Variants in PDE8B observed in about 807,000 individuals in gnomAD.
PDE8B encodes phosphodiesterase 8B.
A neutral mutation model predicts 101.3 loss-of-function variants in PDE8B; 26 were observed. The ratio of observed to expected loss-of-function variants is 0.26; its 90% CI spans 0.19 to 0.36. The LOEUF (loss-of-function observed/expected upper bound fraction) is 0.36. PDE8B is among the 10% of genes least tolerant of loss of function. The pLI, the probability that PDE8B is intolerant of heterozygous loss-of-function variation, is 1.00. For missense variants in PDE8B, 810 were observed against 1,163.1 expected (o/e 0.70, Z 4.42); for synonymous variants, 424 against 429.3 (o/e 0.99, Z 0.15).
the PDE8B span, chr5:77,144,134 AG>A: frequency 1.3e-5 from 2 of 152,062 alleles, no homozygotes; most frequent in Non-Finnish European, 2.9e-5. Flanking sequence ...GTCCAGGAGG[AG>A]GGTAGTGTCA....
intron 1 of PDE8B, among the ~76,000 whole-genome samples, chr5:77,270,190 AT>A (rs1260260542): frequency 1.2e-4 from 18 of 151,998 alleles, no homozygotes; most frequent in African/African-American, 3.9e-4. Context: ...TCTTTCACTT[AT>A]TTTGTTAATT....
intron 2 of PDE8B, among the ~76,000 whole-genome samples, chr5:77,319,442 A>T (rs1774540697): frequency 6.6e-6 from 1 of 152,210 alleles, no homozygotes; most frequent in Admixed American, 6.5e-5. Context: ...TCCGTGATAA[A>T]CCCAAATGAC....
At chr5:77,366,806 C>T (rs1322726104) in intron 10 of PDE8B, among the ~76,000 whole-genome samples, 1 of 152,200 alleles carries the variant, frequency 6.6e-6, no homozygotes, top group Non-Finnish European at 1.5e-5. Context: ...AAAACTGCAA[C>T]ATCTTTAAAA....
intron 2 of PDE8B, among the ~76,000 whole-genome samples, chr5:77,313,738 G>A (rs1270653980): frequency 1.3e-5 from 2 of 152,138 alleles, no homozygotes; most frequent in East Asian, 3.8e-4. Flanking sequence ...TTGTTTCAGA[G>A]TTTTCTCAGA....
chr5:77,352,148 C>T (rs73764818), intron 9 of PDE8B, among the ~76,000 whole-genome samples: 5,123 of 152,266 alleles, frequency 0.034, 271 homozygotes, highest in African/African-American at 0.11. Flanking sequence ...CTGACAGGCC[C>T]CTGACCGAGG....
intron 1 of PDE8B, among the ~76,000 whole-genome samples, chr5:77,230,683 C>T (rs905557651): frequency 6.6e-5 from 10 of 152,138 alleles, no homozygotes; most frequent in African/African-American, 2.4e-4. Flanking sequence ...CTTCTGACCT[C>T]AAGTGATCCA....
chr5:77,372,692 A>C (rs532438904), intron 10 of PDE8B, among the ~76,000 whole-genome samples: 2 of 152,314 alleles, frequency 1.3e-5, no homozygotes, highest in East Asian at 3.9e-4. Flanking sequence ...TAGGCTATCA[A>C]ATTTTTTGGC....
intron 1 of PDE8B, among the ~76,000 whole-genome samples, chr5:77,276,785 T>C (rs1763937439): frequency 6.6e-6 from 1 of 152,218 alleles, no homozygotes; most frequent in Admixed American, 6.5e-5. Context: ...AGAGTATTCC[T>C]TAAATACATT....
intron 1 of PDE8B, among the ~76,000 whole-genome samples, chr5:77,232,096 AT>A (rs1238393105): frequency 4.6e-5 from 7 of 152,254 alleles, no homozygotes; most frequent in Admixed American, 1.3e-4. Context: ...TTTTACAGTG[AT>A]CACATTGTAT....
At chr5:77,227,271 T>A (rs1170514073) in intron 1 of PDE8B, among the ~76,000 whole-genome samples, 2 of 152,220 alleles carry the variant, frequency 1.3e-5, no homozygotes, top group Admixed American at 1.3e-4. Context: ...TGCTTTCTTA[T>A]GTTCAATATA....
intron 1 of PDE8B, among the ~76,000 whole-genome samples, chr5:77,310,780 C>G (rs1772423010): frequency 6.6e-6 from 1 of 152,018 alleles, no homozygotes; most frequent in African/African-American, 2.4e-5. Flanking sequence ...GGCCCAAGCG[C>G]CCTGCATGAG....
chr5:77,330,907 TCTAA>T (rs1195653291), intron 4 of PDE8B, among the ~76,000 whole-genome samples: 3 of 152,204 alleles, frequency 2.0e-5, no homozygotes, highest in African/African-American at 7.2e-5. Flanking sequence ...CTCCTTCCCT[TCTAA>T]CTGTGTGTTC....
rs190935919 is a variant in PDE8B at position 77,241,781 on chromosome 5, T to G, written c.339+30517T>G. ...AAATATTAAAGCTGCATTGATTTGCTAAAGAAACCACAAGTGTCTGGCTAA... is the reference window on the plus strand; with the variant it reads ...AAATATTAAAGCTGCATTGATTTGCGAAAGAAACCACAAGTGTCTGGCTAA... On this transcript the variant is annotated intron_variant, in intron 1 of 21. Transcript: ENST00000264917. Among the ~76,000 whole-genome samples the G allele has an allele frequency of 4.7e-3, 720 of 152,372 alleles. 3 individuals carry two copies. Among genetic ancestry groups the G allele is most frequent in the African/African-American group, 0.016 (674 of 41,574 alleles).
At chr5:77,246,110 C>T (rs1756881323) in intron 1 of PDE8B, among the ~76,000 whole-genome samples, 1 of 152,116 alleles carries the variant, frequency 6.6e-6, no homozygotes, top group South Asian at 2.1e-4. Flanking sequence ...CCTCAGCCTC[C>T]AGAAGTGCTG....
the PDE8B span, among the ~76,000 whole-genome samples, chr5:77,094,306 G>T: frequency 2.0e-5 from 3 of 151,984 alleles, no homozygotes; most frequent in Non-Finnish European, 4.4e-5. Context: ...AGAAAAATGG[G>T]TACACTTTAC....
chr5:77,263,091 T>C (rs967862344), intron 1 of PDE8B, among the ~76,000 whole-genome samples: 11 of 152,220 alleles, frequency 7.2e-5, no homozygotes, highest in African/African-American at 2.2e-4. Flanking sequence ...GAGACAGTGT[T>C]ATAAGGTTTC....
At chr5:77,337,103 T>C in intron 5 of PDE8B, 124 bp from the exon 6 acceptor site, 2 of 678,808 alleles carry the variant, frequency 2.9e-6, no homozygotes, top group Non-Finnish European at 5.4e-6. Flanking sequence ...TCATCTCATC[T>C]TACCTACTAA....
intron 1 of PDE8B, among the ~76,000 whole-genome samples, chr5:77,254,085 T>C (rs1758621615): frequency 6.6e-6 from 1 of 152,166 alleles, no homozygotes; most frequent in African/African-American, 2.4e-5. Context: ...GATTGTATCC[T>C]TGCTTGAAAA....
chr5:77,411,559 G>A, intron 14 of PDE8B, 117 bp from the exon 15 acceptor site: 1 of 788,486 alleles, frequency 1.3e-6, no homozygotes, highest in Non-Finnish European at 2.2e-6. Flanking sequence ...CTTCAACTTA[G>A]ACTTCCAGAT....
Sources: gnomAD v4.1 joint callset for allele counts (sites outside exome capture counted in the v4.1 genomes callset) on GRCh38, gnomAD v4.1.1 for gene constraint, MANE v1.5 for transcripts, NCBI Gene and HGNC (gene_info 2026-07-23, HGNC 2026-07-21) for gene names.